The following CD109 variants were observed in gnomAD, a reference collection of about 807,000 sequenced individuals.
CD109 encodes CD109 molecule, also known as CD109 antigen.
A neutral mutation model predicts 165.8 loss-of-function variants in CD109; 149 were observed. The observed-to-expected ratio is 0.90, with a 90% CI of 0.79 to 1.03. The LOEUF is 1.03. CD109 is among the 50% of genes least tolerant of loss of function. CD109 has a pLI of 0.00. For missense variants in CD109, 1,712 were observed against 1,677.8 expected, an observed-to-expected ratio of 1.02 and a Z score of -0.36; for synonymous variants, 585 against 592.1, an observed-to-expected ratio of 0.99 and a Z score of 0.18.
chr6:73,747,871 AT>A (rs1773036792), intron 5 of CD109, among the ~76,000 whole-genome samples: 1 of 150,456 alleles, frequency 6.6e-6, no homozygotes, highest in Admixed American at 6.6e-5. Flanking sequence ...AAATAAATAT[AT>A]TTCTTTCTTT....
At position 73,813,778 on chromosome 6, in the gene CD109, A is replaced by G. The variant is rs12528439; in HGVS notation, c.3769-1203A>G. Among the ~76,000 whole-genome samples the G allele has an allele frequency of 3.7e-3, 566 of 152,184 alleles. 1 individual carries two copies. Among genetic ancestry groups the G allele is most frequent in the Non-Finnish European group, 5.8e-3 (392 of 68,006 alleles). The stretch of plus-strand genomic sequence containing the variant: ...TTTATTGCCAAATGTAAACCCTAAT[A>G]CTTAGTTATGGATGGGCATTAATTA... On this transcript the variant is annotated intron_variant, in intron 29 of 32. Transcript: ENST00000287097.
chr6:73,700,560 C>G (rs142627060), intron 2 of CD109, among the ~76,000 whole-genome samples: 1 of 152,068 alleles, frequency 6.6e-6, no homozygotes, highest in Non-Finnish European at 1.5e-5. Flanking sequence ...CAATAGATTT[C>G]TGGCTCAATT....
Position 73,785,477 on chromosome 6 carries a change from G to T in CD109, c.2337G>T (p.Glu779Asp). 1 of 1,487,376 alleles carries T rather than the reference G, an allele frequency of 6.7e-7. No individual in the cohort carries two copies. The highest frequency in any genetic ancestry group is 1.2e-5 in the South Asian group (1 of 85,624). The allele number at this position is 1,487,376 out of a possible 1,614,324, so 92.1% of individuals were successfully genotyped here. A position where few individuals can be genotyped will look rare whatever the true frequency, so the allele number is the denominator to read the frequency against. ...TIFNYLKDAT[E>D]VKVIIEKSDK... Reference sequence around the variant, plus strand: ...TCAATTATTTGAAAGATGCCACTGAGGTAATGTATTCAAGCTTTTGTTGAT... The same window carrying T: ...TCAATTATTTGAAAGATGCCACTGATGTAATGTATTCAAGCTTTTGTTGAT... Residue 779 changes from glutamate (E) to aspartate (D), a missense_variant and splice_region_variant, in exon 20 of 33, where the codon GAG (glutamate) becomes GAT (aspartate). By Grantham distance (45) the Glu-to-Asp change is conservative. Coordinates refer to ENST00000287097, the MANE Select transcript of CD109 (RefSeq NM_133493.5).
intron 5 of CD109, among the ~76,000 whole-genome samples, chr6:73,737,540 C>A (rs1318945202): frequency 6.6e-6 from 1 of 152,162 alleles, no homozygotes; most frequent in Admixed American, 6.5e-5. Context: ...TGTTAGAGAA[C>A]AATGTAATGC....
chr6:73,728,932 A>T (rs1467969543), intron 3 of CD109, among the ~76,000 whole-genome samples: 1 of 152,236 alleles, frequency 6.6e-6, no homozygotes, highest in Non-Finnish European at 1.5e-5. Flanking sequence ...ATTGGGAACA[A>T]TATGGTTGGG....
At chr6:73,810,791 C>T (rs935423408) in intron 27 of CD109, among the ~76,000 whole-genome samples, 2 of 152,100 alleles carry the variant, frequency 1.3e-5, no homozygotes, top group Admixed American at 1.3e-4. Context: ...AAGATCTATA[C>T]ACTAAAAACT....
chr6:73,771,229 G>A (rs1424677933), intron 14 of CD109, among the ~76,000 whole-genome samples, 200 bp from the exon 15 acceptor site: 1 of 152,208 alleles, frequency 6.6e-6, no homozygotes, highest in African/African-American at 2.4e-5. Flanking sequence ...ACCACTGTGA[G>A]AAGTTCTATG....
At chr6:73,701,605 G>A (rs147968218) in intron 2 of CD109, among the ~76,000 whole-genome samples, 165 of 152,162 alleles carry the variant, frequency 1.1e-3, no homozygotes, top group Non-Finnish European at 2.0e-3. Context: ...TTTAATTTTC[G>A]TGATGTCCTT....
chr6:73,749,297 C>T (rs1489467621), intron 5 of CD109, among the ~76,000 whole-genome samples: 1 of 152,154 alleles, frequency 6.6e-6, no homozygotes, highest in Non-Finnish European at 1.5e-5. Context: ...GTTTCCTCAG[C>T]TGTAAAATAA....
rs1441577917 is a variant in CD109, at chr6:73,697,470, C to T, written c.145C>T (p.Leu49=). ...AAATGTGACTATTGGGGTGGAGCTTCTGGAACACTGCCCTTCACAGGTGAC... is the reference window on the plus strand; with the variant it reads ...AAATGTGACTATTGGGGTGGAGCTTTTGGAACACTGCCCTTCACAGGTGAC... ...GGNVTIGVEL[L]EHCPSQVTVK... Residue 49 remains leucine, a synonymous_variant, in exon 2 of 33, where the codon CTG becomes TTG. Coordinates refer to ENST00000287097, the MANE Select transcript of CD109 (RefSeq NM_133493.5). 4 of 1,614,014 alleles carry T rather than the reference C, an allele frequency of 2.5e-6. No homozygotes were observed. The African/African-American group carries it at 4.0e-5, about 16-fold the overall frequency.
chr6:73,790,587 G>T (rs956626219), intron 22 of CD109, among the ~76,000 whole-genome samples: 3 of 152,266 alleles, frequency 2.0e-5, no homozygotes, highest in Admixed American at 2.0e-4. Context: ...AGGAAGGCTG[G>T]TAGTACTCAC....
rs187994740 is a variant in CD109, at chr6:73,793,390, T to C, written c.2878+588T>C. Among the ~76,000 whole-genome samples the C allele has an allele frequency of 1.9e-4, 29 of 152,364 alleles. No homozygotes were observed. The East Asian group carries it at 5.6e-3, about 29-fold the overall frequency. On this transcript the variant is annotated intron_variant, in intron 23 of 32. Transcript: ENST00000287097. ...AACTGTTCACAGGCACCAGATCCTT[T>C]GTTTTGGCAACTTGTTAATAACAGC...
rs942971095 is a variant in CD109 at position 73,730,340 on chromosome 6, C to T, written c.277-4C>T. On this transcript the variant is annotated splice_region_variant and splice_polypyrimidine_tract_variant and intron_variant, in intron 3 of 32. Coordinates refer to ENST00000287097, the MANE Select transcript of CD109 (RefSeq NM_133493.5). ...CTTGATGTGTGATCTCTTTTTCCCCCCAGCTACCTCTGAACAGTGCAGATG... is the reference window on the plus strand; with the variant it reads ...CTTGATGTGTGATCTCTTTTTCCCCTCAGCTACCTCTGAACAGTGCAGATG... 6.3e-7 allele frequency: 1 copy of T among 1,577,434 alleles called. No homozygotes were observed.
chr6:73,696,136 G>A, upstream of CD109: 3 of 1,348,804 alleles, frequency 2.2e-6, no homozygotes, highest in African/African-American at 1.5e-5. Context: ...AAAAAATCAG[G>A]GAGGAGGTGG....
intron 1 of CD109, among the ~76,000 whole-genome samples, 154 bp downstream of exon 1, chr6:73,696,443 G>C (rs1770846198): frequency 1.3e-5 from 2 of 152,228 alleles, no homozygotes; most frequent in African/African-American, 4.8e-5. Flanking sequence ...CTGGCCTGGA[G>C]GTTTGACCAT....
At chr6:73,681,063 C>T in the CD109 span, among the ~76,000 whole-genome samples, 3 of 152,192 alleles carry the variant, frequency 2.0e-5, no homozygotes, top group Non-Finnish European at 2.9e-5. Context: ...GATAGCTTTT[C>T]AGTGGCCCAT....
rs143556685 is a variant in CD109 at position 73,791,330 on chromosome 6, T to C, written c.2702-1296T>C. 1.9e-3 allele frequency among the ~76,000 whole-genome samples: 289 copies of C among 150,696 alleles called. 1 individual carries two copies. Among genetic ancestry groups the C allele is most frequent in the African/African-American group, 6.8e-3 (279 of 40,884 alleles). On this transcript the variant is annotated intron_variant, in intron 22 of 32. Transcript: ENST00000287097. ...CTCCTGCATCAGCCCCTTGCATAAC[T>C]GGGACTACAGGCATGCACCACTGTG...
At chr6:73,756,214 A>C (rs1773386104) in intron 5 of CD109, among the ~76,000 whole-genome samples, 1 of 152,210 alleles carries the variant, frequency 6.6e-6, no homozygotes. Flanking sequence ...AGTTATGTGT[A>C]ACTTCATTTT....
At chr6:73,803,325 A>G in intron 24 of CD109, 24 bp downstream of exon 24, 1 of 1,577,746 alleles carries the variant, frequency 6.3e-7, no homozygotes, top group Non-Finnish European at 8.7e-7. Context: ...CCAACTGAAC[A>G]AATCCGTGTC....
Sources: gnomAD v4.1 joint callset for allele counts (sites outside exome capture counted in the v4.1 genomes callset) on GRCh38, gnomAD v4.1.1 for gene constraint, MANE v1.5 for transcripts, NCBI Gene and HGNC (gene_info 2026-07-23, HGNC 2026-07-21) for gene names.